ADGRA1: variants seen among roughly 807,000 people sequenced by gnomAD.
ADGRA1 encodes the protein G-protein coupled receptor 123.
A neutral mutation model predicts 21.3 loss-of-function variants in ADGRA1; 12 were observed. That is an observed-to-expected ratio of 0.56 (90% CI 0.36 to 0.91). The LOEUF (loss-of-function observed/expected upper bound fraction) is 0.91, where lower values mean the gene tolerates loss of function less well. Ranked by LOEUF, ADGRA1 falls within the 40% of genes least tolerant of loss-of-function variation. The pLI is 0.01. For missense variants in ADGRA1, 790 were observed against 805.6 expected (o/e 0.98, Z 0.23); for synonymous variants, 385 against 368.8 (o/e 1.04, Z -0.50).
At chr10:133,121,811 TTG>T (rs752819208) in intron 5 of ADGRA1, among the ~76,000 whole-genome samples, 15 of 145,476 alleles carry the variant, frequency 1.0e-4, no homozygotes, top group Admixed American at 2.7e-4. Context: ...GTGAGTGTGC[TTG>T]TGTGTGTGCA....
At chr10:133,111,072 C>G (rs1337658594) in intron 5 of ADGRA1, among the ~76,000 whole-genome samples, 1 of 150,992 alleles carries the variant, frequency 6.6e-6, no homozygotes, top group Non-Finnish European at 1.5e-5. Context: ...CCTAATCCTG[C>G]CAAGCCACCT....
rs369145853 is a variant in ADGRA1, at chr10:133,093,853, T to C, written c.4-3121T>C. Among the ~76,000 whole-genome samples, 105 of 152,368 alleles carry C rather than the reference T, an allele frequency of 6.9e-4. 5 individuals carry two copies. In the South Asian group the frequency reaches 0.021, roughly 31 times the overall value. ...ACTTGCAAAGAAGAATCGGTGCATG[T>C]GCAAACTTTAAAAGACAACACACGT... On this transcript the variant is annotated intron_variant, in intron 2 of 6. Transcript: ENST00000392607.
At chr10:133,089,399 C>T (rs1385045586) in intron 2 of ADGRA1, among the ~76,000 whole-genome samples, 3 of 152,188 alleles carry the variant, frequency 2.0e-5, no homozygotes, top group Non-Finnish European at 4.4e-5. Flanking sequence ...AAGGCGGCCG[C>T]GCACACGGCA....
intron 2 of ADGRA1, among the ~76,000 whole-genome samples, chr10:133,091,021 G>A (rs1291138634): frequency 3.9e-5 from 6 of 152,332 alleles, no homozygotes; most frequent in African/African-American, 7.2e-5. Flanking sequence ...CTGTGTCTCC[G>A]TCACCACTGT....
chr10:133,099,865 C>A (rs1851759350), intron 4 of ADGRA1, among the ~76,000 whole-genome samples: 1 of 152,202 alleles, frequency 6.6e-6, no homozygotes, highest in Non-Finnish European at 1.5e-5. Flanking sequence ...GTTTCTGGAA[C>A]CCTCCCATAG....
chr10:133,093,279 T>C, intron 2 of ADGRA1: 1 of 1,567,310 alleles, frequency 6.4e-7, no homozygotes, highest in Non-Finnish European at 8.6e-7. Context: ...GATCAGAAAA[T>C]TCACACATAA....
chr10:133,123,746 G>T (rs533791214), intron 5 of ADGRA1, among the ~76,000 whole-genome samples: 1 of 146,818 alleles, frequency 6.8e-6, no homozygotes, highest in African/African-American at 2.5e-5. Flanking sequence ...GGGCTGCCTC[G>T]GCCACCGTCA....
intron 5 of ADGRA1, among the ~76,000 whole-genome samples, chr10:133,103,162 C>T (rs1026786519): frequency 2.0e-5 from 3 of 152,092 alleles, no homozygotes; most frequent in Non-Finnish European, 4.4e-5. Flanking sequence ...AGCTGGAGCC[C>T]GGCTGCTCTG....
chr10:133,089,656 G>A (rs1336687958), intron 2 of ADGRA1, among the ~76,000 whole-genome samples: 2 of 152,264 alleles, frequency 1.3e-5, no homozygotes, highest in Non-Finnish European at 2.9e-5. Flanking sequence ...TAGAATGTGC[G>A]GCCGCCACAG....
intron 5 of ADGRA1, among the ~76,000 whole-genome samples, chr10:133,126,807 C>T (rs528663275): frequency 5.9e-5 from 9 of 152,336 alleles, no homozygotes; most frequent in African/African-American, 1.7e-4. Context: ...CTGTTTAAAA[C>T]GGGGCACTGC....
chr10:133,121,381 ATG>A (rs1491248805), intron 5 of ADGRA1, among the ~76,000 whole-genome samples: 3 of 150,284 alleles, frequency 2.0e-5, no homozygotes, highest in African/African-American at 4.9e-5. Flanking sequence ...ACGTGTGTGC[ATG>A]TGTGTGGTGT....
At chr10:133,094,089 C>T (rs552297018) in intron 2 of ADGRA1, among the ~76,000 whole-genome samples, 1 of 152,366 alleles carries the variant, frequency 6.6e-6, no homozygotes, top group East Asian at 1.9e-4. Flanking sequence ...CAGCTCCAGG[C>T]GTCCACGCCT....
At chr10:133,100,345 C>A (rs182071870) in intron 4 of ADGRA1, among the ~76,000 whole-genome samples, 1 of 152,378 alleles carries the variant, frequency 6.6e-6, no homozygotes, top group Admixed American at 6.5e-5. Context: ...TAAGTGCCTG[C>A]GAGAGGCCGT....
At position 133,129,342 on chromosome 10, in the gene ADGRA1, C is replaced by T. The variant is rs745397064; in HGVS notation, c.1514C>T (p.Ala505Val). The change falls in exon 7 of 7, where the codon GCG (alanine) becomes GTG (valine). Residue 505 changes from alanine (A) to valine (V), a missense_variant. Physicochemically the swap from Ala to Val is moderately conservative, Grantham distance 64. Around this residue, in one of 3 missense-constraint regions of ADGRA1, gnomAD observed 391 missense variants for 351.5 expected, o/e 1.11. Coordinates refer to ENST00000392607, the MANE Select transcript of ADGRA1 (RefSeq NM_001083909.3). ...SCPTQPGREA[A>V]LGPGHLEMLR... ...CCCACGCAGCCGGGCAGGGAGGCAG[C>T]GCTCGGGCCCGGCCACTTGGAGATG... The T allele has an allele frequency of 3.8e-6, 6 of 1,576,354 alleles. No homozygotes were observed. The highest frequency in any genetic ancestry group is 2.4e-5 in the East Asian group (1 of 42,514).
chr10:133,088,855 T>C lies in ADGRA1; in HGVS notation c.-55T>C. 8.1e-7 allele frequency: 1 copy of C among 1,237,064 alleles called. No individual in the cohort carries two copies. The allele number at this position is 1,237,064 out of a possible 1,614,324, so 76.6% of individuals were successfully genotyped here. On this transcript the variant is annotated 5_prime_UTR_variant, in exon 2 of 7. Coordinates refer to ENST00000392607, the MANE Select transcript of ADGRA1 (RefSeq NM_001083909.3). ...GGGAGCAGGGCGCCACCTGATCGCC[T>C]CCCCCTGGACGCCTCCTCCAGCGGC...
In ADGRA1 at chr10:133,109,002, G is replaced by A. The variant is rs189283599; in HGVS notation, c.401+6160G>A. ...GCTCCACTTAGCCCCAGCTCCACCCGTCCATCAGTCCCACAAAGGAACCAG... is the reference window on the plus strand; with the variant it reads ...GCTCCACTTAGCCCCAGCTCCACCCATCCATCAGTCCCACAAAGGAACCAG... On this transcript the variant is annotated intron_variant, in intron 5 of 6. Transcript: ENST00000392607. Among the ~76,000 whole-genome samples, 192 of 135,216 alleles carry A rather than the reference G, an allele frequency of 1.4e-3. 1 individual carries two copies. Among genetic ancestry groups the A allele is most frequent in the African/African-American group, 4.9e-3 (169 of 34,540 alleles). 88.7% of individuals were successfully genotyped at this position (135,216 alleles called of 152,430 possible).
chr10:133,123,210 T>C (rs1321484730), intron 5 of ADGRA1, among the ~76,000 whole-genome samples: 2 of 152,264 alleles, frequency 1.3e-5, no homozygotes, highest in East Asian at 1.9e-4. Context: ...CCCGTCCCTC[T>C]GCGCCCGTCT....
At chr10:133,105,975 G>T (rs1413773945) in intron 5 of ADGRA1, among the ~76,000 whole-genome samples, 1 of 152,212 alleles carries the variant, frequency 6.6e-6, no homozygotes, top group African/African-American at 2.4e-5. Context: ...TTCTAGATGG[G>T]GATTCACCTG....
chr10:133,110,869 A>T (rs1299441258), intron 5 of ADGRA1, among the ~76,000 whole-genome samples: 2 of 152,074 alleles, frequency 1.3e-5, no homozygotes, highest in Non-Finnish European at 2.9e-5. Context: ...CCTTTGCCGC[A>T]GAGTGATGTC....
Sources: gnomAD v4.1 joint callset for allele counts (sites outside exome capture counted in the v4.1 genomes callset) on GRCh38, gnomAD v4.1.1 for gene constraint, gnomAD v4.1.1 regional missense constraint, MANE v1.5 for transcripts, NCBI Gene and HGNC (gene_info 2026-07-23, HGNC 2026-07-21) for gene names.